Variants in WAC observed in about 807,000 individuals in gnomAD.
The protein encoded by WAC is WW domain-containing adapter protein with coiled-coil.
WAC carries 11 observed loss-of-function variants against 79.6 expected under a neutral mutation model. The ratio of observed to expected loss-of-function variants is 0.14; its 90% CI spans 0.09 to 0.23. WAC has a LOEUF of 0.23. WAC is among the 10% of genes least tolerant of loss of function. The pLI is 1.00. For synonymous variants in WAC, 304 were observed against 276.9 expected (o/e 1.10, Z -0.97); for missense variants, 728 against 773.5 (o/e 0.94, Z 0.70).
chr10:28,605,937 G>A (rs116788265), intron 7 of WAC, among the ~76,000 whole-genome samples: 2,916 of 152,208 alleles, frequency 0.019, 103 homozygotes, highest in African/African-American at 0.067. Context: ...ATATTAATCA[G>A]GATGCCCCCA....
chr10:28,604,917 A>G (rs761774159), intron 7 of WAC, among the ~76,000 whole-genome samples: 1 of 152,244 alleles, frequency 6.6e-6, no homozygotes, highest in Non-Finnish European at 1.5e-5. Flanking sequence ...TATTTCAGTG[A>G]TAAAACTAAA....
In WAC at chr10:28,533,178, GGGA is replaced by G. The variant is rs911736728; in HGVS notation, c.-388_-386del. ...CGGCACCAGCGGCGGCGGCGGCGGC[GGGA>G]GGAGGAGGAGGAGAAGAAGGACCAG... On this transcript the variant is annotated 5_prime_UTR_variant, in exon 1 of 14. Coordinates refer to ENST00000354911, the MANE Select transcript of WAC (RefSeq NM_016628.5). 114 of 169,370 alleles carry G rather than the reference GGGA, an allele frequency of 6.7e-4. No individual in the cohort carries two copies. Among genetic ancestry groups the G allele is most frequent in the South Asian group, 1.7e-3 (15 of 8,576 alleles). 10.5% of individuals were successfully genotyped at this position (169,370 alleles called of 1,614,324 possible).
At chr10:28,571,165 C>T (rs966070401) in intron 3 of WAC, among the ~76,000 whole-genome samples, 9 of 151,642 alleles carry the variant, frequency 5.9e-5, no homozygotes, top group Non-Finnish European at 1.2e-4. Flanking sequence ...CCTGACCTCA[C>T]GTGATCCACC....
At chr10:28,605,345 G>A (rs1444887594) in intron 7 of WAC, among the ~76,000 whole-genome samples, 3 of 152,200 alleles carry the variant, frequency 2.0e-5, no homozygotes, top group East Asian at 1.9e-4. Flanking sequence ...CCAGGCTTCC[G>A]TTCAGTAAAT....
intron 7 of WAC, among the ~76,000 whole-genome samples, chr10:28,597,696 C>T (rs150925442): frequency 1.2e-3 from 189 of 152,224 alleles, no homozygotes; most frequent in African/African-American, 3.2e-3. Context: ...GTATTTGTTA[C>T]GTATCCTCAT....
In WAC at chr10:28,620,974, AAG is replaced by A. The variant is rs1038467444; in HGVS notation, c.*1370_*1371del. The A allele has an allele frequency of 2.6e-5, 4 of 152,148 alleles. No individual in the cohort carries two copies. Among genetic ancestry groups the A allele is most frequent in the Non-Finnish European group, 4.4e-5 (3 of 68,018 alleles). 9.4% of individuals were successfully genotyped at this position (152,148 alleles called of 1,614,324 possible). A position where few individuals can be genotyped will look rare whatever the true frequency, so the allele number is the denominator to read the frequency against. On this transcript the variant is annotated 3_prime_UTR_variant, in exon 14 of 14. Coordinates refer to ENST00000354911, the MANE Select transcript of WAC (RefSeq NM_016628.5). ...TTCCTAAAGTATATTAAAATAAAAA[AAG>A]AAACTATTGCTACTATAAAATTACC... is the stretch of plus-strand genomic sequence containing the variant.
chr10:28,546,075 T>C (rs1044649087), intron 3 of WAC, among the ~76,000 whole-genome samples: 4 of 152,232 alleles, frequency 2.6e-5, no homozygotes, highest in African/African-American at 9.6e-5. Context: ...AGAATGTATG[T>C]GGTTGATATA....
At chr10:28,554,469 A>C (rs531804435) in intron 3 of WAC, among the ~76,000 whole-genome samples, 134 of 152,302 alleles carry the variant, frequency 8.8e-4, no homozygotes, top group African/African-American at 3.0e-3. Context: ...GTATTAACTT[A>C]AGTTCATTTT....
intron 3 of WAC, among the ~76,000 whole-genome samples, chr10:28,548,415 TAGTA>T (rs1362839245): frequency 2.0e-5 from 3 of 152,150 alleles, no homozygotes; most frequent in Non-Finnish European, 2.9e-5. Context: ...GCCTGGTAAA[TAGTA>T]AGTACAGTAG....
intron 4 of WAC, 47 bp downstream of exon 4, chr10:28,583,552 C>CAAA (rs35140807): frequency 1.2e-3 from 973 of 828,278 alleles, no homozygotes; most frequent in Non-Finnish European, 1.3e-3. Context: ...GAATTTTTTG[C>CAAA]AAAAAAAAAA....
intron 7 of WAC, among the ~76,000 whole-genome samples, chr10:28,602,506 A>T (rs559517400): frequency 5.6e-4 from 86 of 152,324 alleles, no homozygotes; most frequent in African/African-American, 2.0e-3. Context: ...CCACTATTAC[A>T]AAATAGATAA....
chr10:28,571,882 C>G (rs1838992399), intron 3 of WAC, among the ~76,000 whole-genome samples: 1 of 152,188 alleles, frequency 6.6e-6, no homozygotes, highest in Non-Finnish European at 1.5e-5. Context: ...ATATTACTTG[C>G]TCACCTTTTA....
chr10:28,580,310 T>C (rs1839468032), intron 3 of WAC, among the ~76,000 whole-genome samples: 1 of 152,230 alleles, frequency 6.6e-6, no homozygotes, highest in African/African-American at 2.4e-5. Flanking sequence ...ATTGGAATGC[T>C]TGTCAGTATT....
Position 28,609,448 on chromosome 10 carries a change from T to C in WAC, c.1165+1017T>C, listed in dbSNP as rs142409677. ...GTAGTGTTAAGTGGTTAAGTTCTTA[T>C]CCTAAAAATAAAGCTATCTCAGGCT... On this transcript the variant is annotated intron_variant, in intron 8 of 13. Transcript: ENST00000354911. Among the ~76,000 whole-genome samples, 25 of 152,356 alleles carry C rather than the reference T, an allele frequency of 1.6e-4. No individual in the cohort carries two copies. In the East Asian group the frequency reaches 3.9e-3, roughly 23 times the overall value.
At chr10:28,596,103 C>G in intron 7 of WAC, 62 bp downstream of exon 7, 1 of 1,480,064 alleles carries the variant, frequency 6.8e-7, no homozygotes, top group Non-Finnish European at 9.1e-7. Flanking sequence ...TTCTAAGTTT[C>G]TTATATATTA....
chr10:28,556,388 ATTTTTTTTTT>A (rs764934182), intron 3 of WAC, among the ~76,000 whole-genome samples: 8 of 55,090 alleles, frequency 1.5e-4, no homozygotes, highest in Non-Finnish European at 2.0e-4. Flanking sequence ...TGCCCATTAA[ATTTTTTTTTT>A]TTTTTTTTTT....
intron 8 of WAC, 21 bp downstream of exon 8, chr10:28,608,452 T>C (rs1396634002): frequency 1.0e-5 from 16 of 1,547,840 alleles, no homozygotes; most frequent in Non-Finnish European, 1.3e-5. Context: ...ATAACAGTTT[T>C]TTAAAAATTT....
In WAC at chr10:28,621,183, T is replaced by G. The variant is rs1841677310; in HGVS notation, c.*1577T>G. 1.3e-5 allele frequency: 2 copies of G among 150,488 alleles called. No homozygotes were observed. The highest frequency in any genetic ancestry group is 4.2e-4 in the South Asian group (2 of 4,780). 9.3% of individuals were successfully genotyped at this position (150,488 alleles called of 1,614,324 possible). A position where few individuals can be genotyped will look rare whatever the true frequency, so the allele number is the denominator to read the frequency against. On this transcript the variant is annotated 3_prime_UTR_variant, in exon 14 of 14. Coordinates refer to ENST00000354911, the MANE Select transcript of WAC (RefSeq NM_016628.5). ...AGGTGTTTCTTCTTCTTCTTCTTTT[T>G]TTTCTTTAAATTGGTTTAGGGTTTT...
At chr10:28,595,420 A>AT (rs34089783) in intron 6 of WAC, among the ~76,000 whole-genome samples, 255 of 149,114 alleles carry the variant, frequency 1.7e-3, no homozygotes, top group Middle Eastern at 3.5e-3. Context: ...CCATATGTTG[A>AT]TTTTTTTTTT....
Sources: gnomAD v4.1 joint callset for allele counts (sites outside exome capture counted in the v4.1 genomes callset) on GRCh38, gnomAD v4.1.1 for gene constraint, MANE v1.5 for transcripts, NCBI Gene and HGNC (gene_info 2026-07-23, HGNC 2026-07-21) for gene names.